ARMC9: variants seen among roughly 807,000 people sequenced by gnomAD.
The protein encoded by ARMC9 is armadillo repeat containing 9.
ARMC9 carries 94 observed loss-of-function variants against 107.0 expected under a neutral mutation model. The observed-to-expected ratio is 0.88, with a 90% CI of 0.74 to 1.04. The LOEUF is 1.04. ARMC9 is among the 50% of genes least tolerant of loss of function. The pLI is 0.00. For synonymous variants in ARMC9, 380 were observed against 396.9 expected (o/e 0.96, Z 0.51); for missense variants, 942 against 1,030.1 (o/e 0.91, Z 1.17).
At chr2:231,289,905 C>G (rs541004051) in intron 17 of ARMC9, among the ~76,000 whole-genome samples, 1 of 152,344 alleles carries the variant, frequency 6.6e-6, no homozygotes, top group Admixed American at 6.5e-5. Context: ...TTTGCTTCAG[C>G]TACCAGATCT....
At position 231,216,792 on chromosome 2, in the gene ARMC9, A is replaced by G; in HGVS notation, c.503A>G (p.Gln168Arg). 6.2e-7 allele frequency: 1 copy of G among 1,611,424 alleles called. No individual in the cohort carries two copies. The highest frequency in any genetic ancestry group is 8.5e-7 in the Non-Finnish European group (1 of 1,179,214). ...CACCCCTCATTTAAAGAACTCTTCC[A>G]GGTAAATGTCAGCTTTTAACTCTTG... ...MVHPSFKELF[Q>R]DSWTPELKLK... Residue 168 changes from glutamine to arginine, a missense_variant and splice_region_variant, in exon 5 of 25, where the codon CAG becomes CGG. Gln to Arg is a conservative substitution (Grantham distance 43). Transcript: ENST00000611582.
chr2:231,352,309 T>C (rs2045119251), intron 21 of ARMC9, among the ~76,000 whole-genome samples: 1 of 151,510 alleles, frequency 6.6e-6, no homozygotes, highest in Admixed American at 6.6e-5. Context: ...TAGGATTTTT[T>C]TTTTTAACAG....
Position 231,337,445 on chromosome 2 carries a change from C to T in ARMC9, c.1878+5548C>T, listed in dbSNP as rs571043799. 1.1e-3 allele frequency among the ~76,000 whole-genome samples: 156 copies of T among 147,158 alleles called. 1 individual carries two copies. The highest frequency in any genetic ancestry group is 3.4e-3 in the African/African-American group (134 of 39,996). On this transcript the variant is annotated intron_variant, in intron 20 of 24. Transcript: ENST00000611582. ...CTGAGTAGCTGGAATTACAGGCGCG[C>T]GCCACCACGCCCGGCTAATTTTTGT...
intron 12 of ARMC9, among the ~76,000 whole-genome samples, chr2:231,266,835 C>CT (rs2038896623): frequency 6.6e-6 from 1 of 152,214 alleles, no homozygotes. Context: ...TTTTGCGTAT[C>CT]TATCTCTTCC....
intron 23 of ARMC9, among the ~76,000 whole-genome samples, chr2:231,368,860 T>C (rs1300860362): frequency 6.6e-6 from 1 of 152,068 alleles, no homozygotes; most frequent in Admixed American, 6.6e-5. Flanking sequence ...CCTGACCTTG[T>C]GATCTGCCCA....
At position 231,278,605 on chromosome 2, in the gene ARMC9, G is replaced by A. The variant is rs1382671330; in HGVS notation, c.1551+147G>A. 44 of 667,898 alleles carry A rather than the reference G, an allele frequency of 6.6e-5. No individual in the cohort carries two copies. The South Asian group carries it at 9.0e-4, about 14-fold the overall frequency. The allele number at this position is 667,898 out of a possible 1,614,324, so 41.4% of individuals were successfully genotyped here. A position where few individuals can be genotyped will look rare whatever the true frequency, so the allele number is the denominator to read the frequency against. On this transcript the variant is annotated intron_variant, in intron 16 of 24. Coordinates refer to ENST00000611582, the MANE Select transcript of ARMC9 (RefSeq NM_001352754.2). The stretch of plus-strand genomic sequence containing the variant: ...CTCTGTCCTTCTGGGATTTTCATAA[G>A]CAACTGGAAATCTTTTATAATTTTT...
At chr2:231,206,798 G>A (rs889549482) in intron 2 of ARMC9, among the ~76,000 whole-genome samples, 4 of 152,098 alleles carry the variant, frequency 2.6e-5, no homozygotes, top group Admixed American at 2.0e-4. Context: ...GGTTTCCTAC[G>A]CTAAAAGCTT....
At chr2:231,314,369 C>T (rs1008648834) in intron 19 of ARMC9, among the ~76,000 whole-genome samples, 1 of 152,170 alleles carries the variant, frequency 6.6e-6, no homozygotes, top group Admixed American at 6.5e-5. Context: ...TGAGCCACTG[C>T]GCCAGGTCAT....
At chr2:231,345,250 CCTT>C in intron 21 of ARMC9, 160 bp downstream of exon 21, 1 of 1,324,922 alleles carries the variant, frequency 7.5e-7, no homozygotes, top group South Asian at 1.5e-5. Context: ...GAGGTTGAGT[CCTT>C]CTCCCTTCCC....
chr2:231,370,185 G>A (rs1045505194), intron 24 of ARMC9, 60 bp downstream of exon 24: 6 of 1,447,202 alleles, frequency 4.1e-6, no homozygotes, highest in Non-Finnish European at 5.5e-6. Context: ...CTGCAGGGAA[G>A]GGCATTTTGC....
intron 21 of ARMC9, among the ~76,000 whole-genome samples, chr2:231,350,197 T>A (rs908204000): frequency 1.7e-4 from 26 of 151,866 alleles, no homozygotes; most frequent in African/African-American, 4.8e-4. Flanking sequence ...GGCTAATTTT[T>A]AAATTTTTTG....
At chr2:231,279,377 A>G (rs2040019011) in intron 16 of ARMC9, among the ~76,000 whole-genome samples, 1 of 152,212 alleles carries the variant, frequency 6.6e-6, no homozygotes, top group Non-Finnish European at 1.5e-5. Context: ...AACCACGGCA[A>G]AGCTTCAACA....
intron 19 of ARMC9, among the ~76,000 whole-genome samples, chr2:231,326,154 C>T (rs1471872013): frequency 6.6e-6 from 1 of 152,166 alleles, no homozygotes; most frequent in Non-Finnish European, 1.5e-5. Context: ...CTGTGGGGCC[C>T]CAAGAGGCCA....
intron 17 of ARMC9, among the ~76,000 whole-genome samples, chr2:231,285,345 C>T (rs2040513235): frequency 6.6e-6 from 1 of 151,968 alleles, no homozygotes; most frequent in African/African-American, 2.4e-5. Context: ...GGATTACTTA[C>T]ATAAAGATGT....
intron 20 of ARMC9, among the ~76,000 whole-genome samples, chr2:231,334,889 T>C (rs952393069): frequency 3.3e-5 from 5 of 152,306 alleles, no homozygotes; most frequent in Middle Eastern, 3.4e-3. Context: ...TTTGTGTGTG[T>C]GCCAAGCTGA....
intron 15 of ARMC9, among the ~76,000 whole-genome samples, chr2:231,278,023 C>G (rs184611956): frequency 6.6e-6 from 1 of 152,160 alleles, no homozygotes; most frequent in Admixed American, 6.5e-5. Context: ...GAACGTTGCT[C>G]TATAATGTAT....
intron 17 of ARMC9, among the ~76,000 whole-genome samples, chr2:231,285,069 G>A (rs546475340): frequency 3.7e-4 from 57 of 152,064 alleles, no homozygotes; most frequent in African/African-American, 1.3e-3. Flanking sequence ...GTGGTGGCAC[G>A]TGCCTGTAAT....
intron 23 of ARMC9, 109 bp from the exon 24 acceptor site, chr2:231,369,844 T>G: frequency 9.4e-6 from 11 of 1,169,408 alleles, no homozygotes; most frequent in Non-Finnish European, 1.0e-5. Context: ...TTTGTCCGCC[T>G]TGGCCTCTCA....
intron 7 of ARMC9, among the ~76,000 whole-genome samples, chr2:231,230,311 G>A (rs2035089034): frequency 6.6e-6 from 1 of 151,576 alleles, no homozygotes; most frequent in African/African-American, 2.4e-5. Context: ...AGCTATGATC[G>A]CACCACTGCA....
Sources: allele counts gnomAD v4.1 joint callset (sites outside exome capture counted in the v4.1 genomes callset), GRCh38; gene constraint gnomAD v4.1.1; transcripts MANE v1.5; gene names NCBI Gene and HGNC (gene_info 2026-07-23, HGNC 2026-07-21).